STK32C: variants seen among roughly 807,000 people sequenced by gnomAD.
STK32C encodes serine/threonine-protein kinase 32C.
In STK32C, 31 loss-of-function variants were observed where a neutral mutation model predicts 56.5. That is an observed-to-expected ratio of 0.55 (90% CI 0.41 to 0.74). STK32C has a LOEUF of 0.74. Among genes scored for constraint, STK32C ranks in the 30% least tolerant of loss-of-function variants. The pLI is 0.00. For synonymous variants in STK32C, 309 were observed against 289.4 expected, an observed-to-expected ratio of 1.07 and a Z score of -0.69; for missense variants, 544 against 676.9, an observed-to-expected ratio of 0.80 and a Z score of 2.18.
chr10:132,212,562 G>A (rs541142747), intron 10 of STK32C, among the ~76,000 whole-genome samples: 4 of 152,304 alleles, frequency 2.6e-5, no homozygotes, highest in Non-Finnish European at 5.9e-5. Flanking sequence ...CAGCCACATC[G>A]GACAACGTCA....
At chr10:132,310,606 T>C (rs2066201212), upstream of STK32C, among the ~76,000 whole-genome samples, 1 of 152,092 alleles carries the variant, frequency 6.6e-6, no homozygotes, top group Admixed American at 6.5e-5. This position sits in a 1 kb window ranked among gnomAD's most constrained non-coding sequence, Gnocchi z 4.6. Context: ...GTGAGGCCAG[T>C]AGAGAATTCC....
chr10:132,303,321 C>G (rs1481175608), intron 1 of STK32C, among the ~76,000 whole-genome samples: 3 of 152,212 alleles, frequency 2.0e-5, no homozygotes, highest in Non-Finnish European at 4.4e-5. Flanking sequence ...CACAGAAGCG[C>G]TAGAAGAAAG....
chr10:132,280,978 T>C (rs539692345), intron 1 of STK32C, among the ~76,000 whole-genome samples: 3 of 141,008 alleles, frequency 2.1e-5, no homozygotes, highest in Admixed American at 2.1e-4. Flanking sequence ...CTCCATTCCA[T>C]GATCACGCCC....
At chr10:132,322,952 C>T (rs996814694), downstream of STK32C, among the ~76,000 whole-genome samples, 7 of 152,144 alleles carry the variant, frequency 4.6e-5, no homozygotes, top group Admixed American at 3.9e-4. Flanking sequence ...TCTTACGAAA[C>T]CAAAAAGAAC....
At chr10:132,326,214 T>C (rs2066497014) in intron 1 of STK32C, among the ~76,000 whole-genome samples, 1 of 152,186 alleles carries the variant, frequency 6.6e-6, no homozygotes, top group African/African-American at 2.4e-5. Context: ...TTTCCAGATA[T>C]GAAAAATAAA....
Position 132,209,099 on chromosome 10 carries a change from C to T in STK32C, c.1254G>A (p.Glu418=), listed in dbSNP as rs915521596. 1 of 1,597,002 alleles carries T rather than the reference C, an allele frequency of 6.3e-7. No homozygotes were observed. The highest frequency in any genetic ancestry group is 8.6e-7 in the Non-Finnish European group (1 of 1,169,044). ...CGAGGCAGTCTTGAAGATAGTCATTCTCCTGTGGATGGAAAGGCACACGTG... is the reference window on the plus strand; with the variant it reads ...CGAGGCAGTCTTGAAGATAGTCATTTTCCTGTGGATGGAAAGGCACACGTG... ...RDNSRDSSQS[E]NDYLQDCLDA... Residue 418 remains glutamate, a splice_region_variant and synonymous_variant, in exon 11 of 12, where the codon GAG becomes GAA. Coordinates refer to ENST00000298630, the MANE Select transcript of STK32C (RefSeq NM_173575.4).
chr10:132,225,669 G>C, intron 5 of STK32C, 53 bp from the exon 6 acceptor site: 1 of 1,608,996 alleles, frequency 6.2e-7, no homozygotes, highest in South Asian at 1.1e-5. Context: ...ATGCATCCTT[G>C]CGTGCAGGAT....
rs1020375944 is a variant in STK32C, at chr10:132,307,294, G to C, written c.262+278C>G. The C allele has an allele frequency of 3.5e-6, 1 of 282,334 alleles. No homozygotes were observed. 17.5% of individuals were successfully genotyped at this position (282,334 alleles called of 1,614,324 possible). ...CCACGGGCGGTGGGCGGAGGCGCGC[G>C]CAAGCCCGGAGACGCCACAGCCGCG... On this transcript the variant is annotated intron_variant, in intron 1 of 11. Transcript: ENST00000298630. This position sits in a 1 kb window ranked among gnomAD's most constrained non-coding sequence, Gnocchi z 4.4.
rs2066125079 is a variant in STK32C, at chr10:132,307,784, C to T, written c.50G>A (p.Gly17Asp). 6.0e-6 allele frequency: 6 copies of T among 993,058 alleles called. No individual in the cohort carries two copies. Among genetic ancestry groups the T allele is most frequent in the East Asian group, 2.1e-4 (2 of 9,312 alleles). The allele number at this position is 993,058 out of a possible 1,614,324, so 61.5% of individuals were successfully genotyped here. Residue 17 changes from glycine (G) to aspartate (D), a missense_variant, in exon 1 of 12, where the codon GGC (glycine) becomes GAC (aspartate). By Grantham distance (94) the Gly-to-Asp change is moderately conservative. This residue lies in a region of STK32C where 182 missense variants were observed against 217.7 expected (regional missense o/e 0.84). Coordinates refer to ENST00000298630, the MANE Select transcript of STK32C (RefSeq NM_173575.4). The surrounding 1 kb of genome is among the most constrained non-coding windows in gnomAD (Gnocchi z 4.4). ...RRGSSAAASP[G>D]SPPPGRARPA... ...GCGCGCGCGGCCGGGGGGCGGCGAG[C>T]CCGGGGACGCCGCGGCGCTGCTGCC...
At chr10:132,319,169 G>A (rs547508254), downstream of STK32C, among the ~76,000 whole-genome samples, 20 of 152,204 alleles carry the variant, frequency 1.3e-4, no homozygotes, top group South Asian at 6.2e-4. Flanking sequence ...GGCTGGTCTC[G>A]AAATCCTGAC....
upstream of STK32C, among the ~76,000 whole-genome samples, chr10:132,310,752 C>T (rs7911717): frequency 0.014 from 2,207 of 152,336 alleles, 44 homozygotes; most frequent in South Asian, 0.045. This position sits in a 1 kb window ranked among gnomAD's most constrained non-coding sequence, Gnocchi z 4.6. Flanking sequence ...ACGTCTAGCA[C>T]GCAGGAGCAC....
rs186372598 is a variant in STK32C at position 132,295,836 on chromosome 10, T to C, written c.262+11736A>G. Among the ~76,000 whole-genome samples, 534 of 151,444 alleles carry C rather than the reference T, an allele frequency of 3.5e-3. 16 individuals are homozygous for C. The highest frequency in any genetic ancestry group is 0.021 in the South Asian group (98 of 4,776). On this transcript the variant is annotated intron_variant, in intron 1 of 11. Transcript: ENST00000298630. Reference sequence around the variant, plus strand: ...AGGCGGAGGCTGCAGTGAGCCGAGGTTGTGCCACTGCACTCCAGCCCGGGC... The same window carrying C: ...AGGCGGAGGCTGCAGTGAGCCGAGGCTGTGCCACTGCACTCCAGCCCGGGC...
At chr10:132,225,865 T>G in intron 4 of STK32C, 81 bp from the exon 5 acceptor site, 3 of 1,575,156 alleles carry the variant, frequency 1.9e-6, no homozygotes, top group Non-Finnish European at 2.6e-6. Flanking sequence ...ATCCCTGGAG[T>G]CCCCAGGACA....
intron 1 of STK32C, among the ~76,000 whole-genome samples, chr10:132,298,748 C>G (rs553225895): frequency 2.0e-5 from 3 of 152,144 alleles, no homozygotes; most frequent in African/African-American, 7.2e-5. Flanking sequence ...TGTGGGGAAG[C>G]TCCCTTTGCA....
At chr10:132,274,102 C>T (rs944079522) in intron 1 of STK32C, among the ~76,000 whole-genome samples, 6 of 152,176 alleles carry the variant, frequency 3.9e-5, no homozygotes, top group African/African-American at 1.4e-4. Flanking sequence ...GGAAATGCAA[C>T]CTACAAGGAG....
intron 7 of STK32C, 79 bp downstream of exon 7, chr10:132,225,154 G>A: frequency 3.3e-6 from 4 of 1,224,284 alleles, no homozygotes; most frequent in Non-Finnish European, 4.5e-6. Context: ...CACTGGGGCA[G>A]CCACCCCCTC....
intron 1 of STK32C, among the ~76,000 whole-genome samples, chr10:132,283,373 G>A (rs1031067864): frequency 5.3e-5 from 8 of 152,272 alleles, no homozygotes; most frequent in African/African-American, 1.9e-4. Flanking sequence ...GGCGTTGGCA[G>A]AACGCAGACG....
chr10:132,329,449 G>C (rs1590532285), intron 1 of STK32C, among the ~76,000 whole-genome samples: 1 of 151,942 alleles, frequency 6.6e-6, no homozygotes, highest in South Asian at 2.1e-4. Context: ...GAGGTGTTTG[G>C]GATTCTCATG....
chr10:132,221,144 G>A (rs183678953), intron 10 of STK32C, among the ~76,000 whole-genome samples: 27 of 151,422 alleles, frequency 1.8e-4, no homozygotes, highest in East Asian at 9.8e-4. Context: ...GGCCGTCCCC[G>A]CACACACAAC....
Sources: allele counts gnomAD v4.1 joint callset (sites outside exome capture counted in the v4.1 genomes callset), GRCh38; gene constraint gnomAD v4.1.1; regional missense constraint gnomAD v4.1.1; non-coding constraint Gnocchi (gnomAD v3.1); transcripts MANE v1.5; gene names NCBI Gene and HGNC (gene_info 2026-07-23, HGNC 2026-07-21).